Variants in EPHA3 observed in about 807,000 individuals in gnomAD.
EPHA3 encodes the protein EPH receptor A3, also known as ephrin type-A receptor 3.
In EPHA3, 42 loss-of-function variants were observed where a neutral mutation model predicts 107.1. That is an observed-to-expected ratio of 0.39 (90% CI 0.31 to 0.51). EPHA3 has a LOEUF of 0.51. EPHA3 is among the 20% of genes least tolerant of loss of function. EPHA3 has a pLI of 0.78. For synonymous variants in EPHA3, 461 were observed against 424.8 expected (o/e 1.09, Z -1.05); for missense variants, 1,183 against 1,211.2 (o/e 0.98, Z 0.35).
chr3:89,255,612 A>G (rs946261265), intron 3 of EPHA3, among the ~76,000 whole-genome samples: 3 of 152,080 alleles, frequency 2.0e-5, no homozygotes, highest in Admixed American at 6.6e-5. Context: ...ATAAAATTCC[A>G]TGGTCTGACT....
At chr3:89,247,496 G>T (rs889641363) in intron 3 of EPHA3, among the ~76,000 whole-genome samples, 4 of 152,140 alleles carry the variant, frequency 2.6e-5, no homozygotes, top group African/African-American at 9.7e-5. Flanking sequence ...TTATTTATGT[G>T]TTGTCAGTTC....
chr3:89,436,408 T>C (rs1709670916), intron 13 of EPHA3, among the ~76,000 whole-genome samples: 1 of 152,238 alleles, frequency 6.6e-6, no homozygotes, highest in Admixed American at 6.5e-5. Flanking sequence ...GTTCATCTAG[T>C]GTCTGAAGTT....
chr3:89,473,230 G>T (rs1023805919), intron 16 of EPHA3, among the ~76,000 whole-genome samples: 1 of 152,064 alleles, frequency 6.6e-6, no homozygotes. Flanking sequence ...AGATGAGAAA[G>T]AAAAAATATG....
At chr3:89,154,886 T>A (rs1704765597) in intron 2 of EPHA3, among the ~76,000 whole-genome samples, 2 of 147,834 alleles carry the variant, frequency 1.4e-5, no homozygotes. Context: ...ATATATAAAA[T>A]ATATATTATA....
intron 1 of EPHA3, among the ~76,000 whole-genome samples, chr3:89,111,798 A>T (rs560589468): frequency 9.2e-5 from 14 of 152,122 alleles, no homozygotes; most frequent in Non-Finnish European, 1.6e-4. Flanking sequence ...TTGAGTGGTG[A>T]AAAGGTTCAC....
At chr3:89,115,491 G>A (rs969537988) in intron 1 of EPHA3, among the ~76,000 whole-genome samples, 1 of 152,122 alleles carries the variant, frequency 6.6e-6, no homozygotes, top group African/African-American at 2.4e-5. Flanking sequence ...TATCGAGATA[G>A]CTTGGTGGGT....
intron 3 of EPHA3, among the ~76,000 whole-genome samples, chr3:89,216,896 G>C (rs367929356): frequency 1.3e-5 from 2 of 151,928 alleles, no homozygotes; most frequent in Non-Finnish European, 2.9e-5. Flanking sequence ...TTCTTCCAGC[G>C]TAAGGAGAAT....
At chr3:89,380,236 G>T (rs1708474700) in intron 5 of EPHA3, among the ~76,000 whole-genome samples, 1 of 152,184 alleles carries the variant, frequency 6.6e-6, no homozygotes, top group Non-Finnish European at 1.5e-5. Flanking sequence ...ACTCAGGCAT[G>T]TGATATGTAT....
At chr3:89,446,609 C>G (rs1446715732) in intron 13 of EPHA3, among the ~76,000 whole-genome samples, 2 of 151,966 alleles carry the variant, frequency 1.3e-5, no homozygotes, top group African/African-American at 2.4e-5. Flanking sequence ...TTAATTTCAA[C>G]TAGAGACCAT....
chr3:89,150,945 C>A (rs1047558069), intron 2 of EPHA3, among the ~76,000 whole-genome samples: 14 of 151,924 alleles, frequency 9.2e-5, no homozygotes, highest in Admixed American at 9.2e-4. Flanking sequence ...CCACTGCACT[C>A]CAGCCTGGGT....
At chr3:89,162,299 T>G (rs1704966293) in intron 2 of EPHA3, among the ~76,000 whole-genome samples, 1 of 152,140 alleles carries the variant, frequency 6.6e-6, no homozygotes, top group Non-Finnish European at 1.5e-5. Context: ...GAACATGCCA[T>G]ACTCCAAATA....
chr3:89,214,482 T>C (rs1339974773), intron 3 of EPHA3, among the ~76,000 whole-genome samples: 1 of 152,002 alleles, frequency 6.6e-6, no homozygotes, highest in African/African-American at 2.4e-5. Context: ...ACCTTAGACA[T>C]ATTTTAAGAG....
chr3:89,461,300 T>A (rs1455444091), intron 15 of EPHA3, among the ~76,000 whole-genome samples: 7 of 97,930 alleles, frequency 7.1e-5, no homozygotes, highest in African/African-American at 3.0e-4. Context: ...TGTGCATGTG[T>A]CTTTATAGCA....
chr3:89,110,348 T>C (rs1251777909), intron 1 of EPHA3, among the ~76,000 whole-genome samples: 2 of 151,994 alleles, frequency 1.3e-5, no homozygotes, highest in African/African-American at 2.4e-5. Context: ...TTTGCAGTTG[T>C]GTGATGTGTT....
In EPHA3 at chr3:89,436,018, G is replaced by A. The variant is rs879728892; in HGVS notation, c.2346+4659G>A. The stretch of plus-strand genomic sequence containing the variant: ...ATATTAGGCATGGAGACGCTCACCT[G>A]TGGTCCCAACTACTCAGGAGGCTGA... On this transcript the variant is annotated intron_variant, in intron 13 of 16. Transcript: ENST00000336596. Among the ~76,000 whole-genome samples, 5 of 151,866 alleles carry A rather than the reference G, an allele frequency of 3.3e-5. No homozygotes were observed. In the East Asian group the frequency reaches 9.7e-4, roughly 29 times the overall value.
At chr3:89,271,966 A>G (rs1576280543) in intron 3 of EPHA3, among the ~76,000 whole-genome samples, 1 of 152,106 alleles carries the variant, frequency 6.6e-6, no homozygotes, top group East Asian at 1.9e-4. Context: ...GACCACTATG[A>G]TGATCCACTC....
At chr3:89,268,541 T>G (rs1705589747) in intron 3 of EPHA3, among the ~76,000 whole-genome samples, 1 of 150,970 alleles carries the variant, frequency 6.6e-6, no homozygotes, top group African/African-American at 2.4e-5. Context: ...CATGTTTCTG[T>G]TTTTTTTTAA....
At chr3:89,199,656 T>G (rs1335609107) in intron 2 of EPHA3, among the ~76,000 whole-genome samples, 1 of 152,216 alleles carries the variant, frequency 6.6e-6, no homozygotes, top group Non-Finnish European at 1.5e-5. Flanking sequence ...TTCCTTTATC[T>G]TCCAAAACTA....
intron 11 of EPHA3, among the ~76,000 whole-genome samples, 194 bp from the exon 12 acceptor site, chr3:89,428,909 ATCT>A (rs1222019837): frequency 6.6e-6 from 1 of 152,116 alleles, no homozygotes; most frequent in African/African-American, 2.4e-5. Context: ...CTGGAAACCA[ATCT>A]TCTCCAATTT....
Sources: allele counts gnomAD v4.1 joint callset (sites outside exome capture counted in the v4.1 genomes callset), GRCh38; gene constraint gnomAD v4.1.1; transcripts MANE v1.5; gene names NCBI Gene and HGNC (gene_info 2026-07-23, HGNC 2026-07-21).